Variants in SMAP1 observed in about 807,000 individuals in gnomAD.
The protein encoded by SMAP1 is stromal membrane-associated protein 1.
SMAP1 carries 24 observed loss-of-function variants against 58.5 expected under a neutral mutation model. The ratio of observed to expected loss-of-function variants is 0.41; its 90% CI spans 0.30 to 0.58. The LOEUF (loss-of-function observed/expected upper bound fraction) is 0.58. SMAP1 is among the 20% of genes least tolerant of loss of function. The pLI, the probability that SMAP1 is intolerant of heterozygous loss-of-function variation, is 0.29. For missense variants in SMAP1, 563 were observed against 566.3 expected, an observed-to-expected ratio of 0.99 and a Z score of 0.06; for synonymous variants, 216 against 196.6, an observed-to-expected ratio of 1.10 and a Z score of -0.82.
intron 3 of SMAP1, among the ~76,000 whole-genome samples, chr6:70,771,286 C>T (rs547106688): frequency 6.6e-6 from 1 of 152,210 alleles, no homozygotes; most frequent in African/African-American, 2.4e-5. Context: ...TCAAAGCTGT[C>T]AGACAGGGAT....
intron 6 of SMAP1, among the ~76,000 whole-genome samples, chr6:70,815,703 A>T (rs1243797217): frequency 2.0e-5 from 3 of 152,166 alleles, no homozygotes; most frequent in Non-Finnish European, 4.4e-5. Context: ...TAAGCTCAAA[A>T]GGCAGTTAGA....
chr6:70,746,679 G>C (rs1176316102), intron 2 of SMAP1, among the ~76,000 whole-genome samples: 2 of 152,082 alleles, frequency 1.3e-5, no homozygotes, highest in Non-Finnish European at 2.9e-5. Context: ...GGATGATGTT[G>C]GCCTGGTAAA....
intron 6 of SMAP1, among the ~76,000 whole-genome samples, chr6:70,822,651 G>A (rs1434733724): frequency 1.3e-5 from 2 of 152,060 alleles, no homozygotes; most frequent in African/African-American, 4.8e-5. Flanking sequence ...TATCTTAGTT[G>A]GTGTTCTCTG....
chr6:70,703,999 T>A (rs1767740354), intron 1 of SMAP1, among the ~76,000 whole-genome samples: 1 of 152,244 alleles, frequency 6.6e-6, no homozygotes, highest in African/African-American at 2.4e-5. Flanking sequence ...TTTGTTTGGA[T>A]TTAAAGTTGC....
rs774333125 is a variant in SMAP1 at position 70,858,083 on chromosome 6, G to A, written c.1123G>A (p.Gly375Arg). 6 of 1,614,056 alleles carry A rather than the reference G, an allele frequency of 3.7e-6. No individual in the cohort carries two copies. Among genetic ancestry groups the A allele is most frequent in the Non-Finnish European group, 5.1e-6 (6 of 1,179,998 alleles). The change falls in exon 10 of 11, where the codon GGG becomes AGG. Residue 375 changes from glycine to arginine, a missense_variant. This residue lies in a region of SMAP1 where 494 missense variants were observed against 473.8 expected (regional missense o/e 1.04). Transcript: ENST00000370455. ...GATGGTGGGCATGCCCATGCCCAAT[G>A]GGTTTATGGGAAATGCACAAACTGG... is the stretch of plus-strand genomic sequence containing the variant. ...SMMVGMPMPNGFMGNAQTGVM... is the reference protein window; with the variant it reads ...SMMVGMPMPNRFMGNAQTGVM...
intron 2 of SMAP1, among the ~76,000 whole-genome samples, chr6:70,744,503 C>T (rs1765943446): frequency 6.6e-6 from 1 of 152,182 alleles, no homozygotes. Context: ...GACATGAACT[C>T]ATCCATTTTT....
intron 1 of SMAP1, among the ~76,000 whole-genome samples, chr6:70,708,494 G>A (rs1215457716): frequency 6.6e-6 from 1 of 152,156 alleles, no homozygotes; most frequent in African/African-American, 2.4e-5. Flanking sequence ...CAGAGGAATT[G>A]CTTGGCCTAT....
At chr6:70,715,423 G>A (rs1466516287) in intron 1 of SMAP1, among the ~76,000 whole-genome samples, 1 of 152,138 alleles carries the variant, frequency 6.6e-6, no homozygotes, top group Non-Finnish European at 1.5e-5. Flanking sequence ...ATCCTATTTG[G>A]TATCATTTGG....
At chr6:70,778,624 A>G (rs1369527800) in intron 4 of SMAP1, among the ~76,000 whole-genome samples, 24 of 152,214 alleles carry the variant, frequency 1.6e-4, no homozygotes. Flanking sequence ...GTTAACCCTC[A>G]AGCCCCTGGT....
Position 70,685,285 on chromosome 6 carries a change from CT to C in SMAP1, c.118+17158del, listed in dbSNP as rs367665070. Among the ~76,000 whole-genome samples the C allele has an allele frequency of 3.0e-3, 445 of 146,424 alleles. 3 individuals are homozygous for C. The highest frequency in any genetic ancestry group is 8.1e-3 in the South Asian group (37 of 4,596). ...CCTCAGGAAAATAAAGTAGTTAATA[CT>C]TTTTTTTTTTTTTAACTTTTTATCT... On this transcript the variant is annotated intron_variant, in intron 1 of 10. Transcript: ENST00000370455.
chr6:70,755,288 G>A (rs1582119573), intron 3 of SMAP1, among the ~76,000 whole-genome samples: 1 of 151,954 alleles, frequency 6.6e-6, no homozygotes, highest in African/African-American at 2.4e-5. Context: ...GATACATATG[G>A]TATTTAGATG....
chr6:70,768,240 G>T (rs1264233991), intron 3 of SMAP1, among the ~76,000 whole-genome samples: 2 of 152,234 alleles, frequency 1.3e-5, no homozygotes, highest in East Asian at 3.9e-4. Flanking sequence ...GTCAGGCTTT[G>T]GTATCAGGAT....
At chr6:70,777,579 G>T (rs1216417818) in intron 4 of SMAP1, among the ~76,000 whole-genome samples, 1 of 151,936 alleles carries the variant, frequency 6.6e-6, no homozygotes, top group African/African-American at 2.4e-5. Context: ...TCTGTTAATT[G>T]TCTCCTTTGC....
chr6:70,668,274 T>TGGCTGAGCGGGCGGGC, intron 1 of SMAP1, 133 bp downstream of exon 1: 1 of 887,010 alleles, frequency 1.1e-6, no homozygotes, highest in East Asian at 3.1e-5. Flanking sequence ...GGAGGGCGGG[T>TGGCTGAGCGGGCGGGC]GGCTGAGCGG....
intron 1 of SMAP1, among the ~76,000 whole-genome samples, chr6:70,713,143 T>C (rs1264539333): frequency 1.3e-5 from 2 of 152,154 alleles, no homozygotes; most frequent in Admixed American, 6.6e-5. Flanking sequence ...TCCTCTTTCA[T>C]TTCTGATTTT....
At chr6:70,699,091 A>G (rs1767523581) in intron 1 of SMAP1, among the ~76,000 whole-genome samples, 1 of 152,200 alleles carries the variant, frequency 6.6e-6, no homozygotes, top group African/African-American at 2.4e-5. Context: ...GTCTTTGCTT[A>G]TTGCAGCTGC....
intron 2 of SMAP1, among the ~76,000 whole-genome samples, chr6:70,748,009 A>G (rs1392296061): frequency 6.6e-6 from 1 of 152,206 alleles, no homozygotes; most frequent in Non-Finnish European, 1.5e-5. Context: ...AAGTTTATGA[A>G]ACTGAAGGAA....
In SMAP1 at chr6:70,668,065, C is replaced by T. The variant is rs1370738705; in HGVS notation, c.42C>T (p.Asn14=). 4 of 1,604,174 alleles carry T rather than the reference C, an allele frequency of 2.5e-6. No homozygotes were observed. The highest frequency in any genetic ancestry group is 3.4e-6 in the Non-Finnish European group (4 of 1,176,154). ...GTCGGGAGAAGGCTCAGAAGCTGAACGAGCAGCACCAGCTCATCCTATCCA... is the reference window on the plus strand; with the variant it reads ...GTCGGGAGAAGGCTCAGAAGCTGAATGAGCAGCACCAGCTCATCCTATCCA... ...RSCREKAQKL[N]EQHQLILSKL... is the part of the protein sequence containing the mutation. The change falls in exon 1 of 11, where the codon AAC becomes AAT. Residue 14 remains asparagine (N), a synonymous_variant. Coordinates refer to ENST00000370455, the MANE Select transcript of SMAP1 (RefSeq NM_001044305.3).
rs114110831 is a variant in SMAP1, at chr6:70,855,443, C to T, written c.790-1416C>T. On this transcript the variant is annotated intron_variant, in intron 8 of 10. Transcript: ENST00000370455. ...CTATGAGAGTGGAATCATAGCTTCC[C>T]AACATTTTGGGTTTTCTTATAGTTG... Among the ~76,000 whole-genome samples, 958 of 152,150 alleles carry T rather than the reference C, an allele frequency of 6.3e-3. 6 individuals carry two copies. Among genetic ancestry groups the T allele is most frequent in the African/African-American group, 0.022 (916 of 41,482 alleles).
Sources: gnomAD v4.1 joint callset for allele counts (sites outside exome capture counted in the v4.1 genomes callset) on GRCh38, gnomAD v4.1.1 for gene constraint, gnomAD v4.1.1 regional missense constraint, MANE v1.5 for transcripts, NCBI Gene and HGNC (gene_info 2026-07-23, HGNC 2026-07-21) for gene names.